EBF2: variants seen among roughly 807,000 people sequenced by gnomAD.
EBF2 encodes the protein transcription factor COE2.
EBF2 carries 21 observed loss-of-function variants against 72.8 expected under a neutral mutation model. That is an observed-to-expected ratio of 0.29 (90% CI 0.20 to 0.42). The LOEUF (loss-of-function observed/expected upper bound fraction) is 0.42. Among genes scored for constraint, EBF2 ranks in the 10% least tolerant of loss-of-function variants. The pLI, the probability that EBF2 is intolerant of heterozygous loss-of-function variation, is 1.00. For synonymous variants in EBF2, 299 were observed against 274.2 expected (o/e 1.09, Z -0.89); for missense variants, 637 against 731.2 (o/e 0.87, Z 1.49).
At chr8:25,987,889 T>C (rs1252270841) in intron 6 of EBF2, among the ~76,000 whole-genome samples, 1 of 152,122 alleles carries the variant, frequency 6.6e-6, no homozygotes, top group Non-Finnish European at 1.5e-5. Flanking sequence ...ACTACAGTAA[T>C]ATACAAAACT....
At chr8:25,877,450 G>A (rs768922822) in intron 10 of EBF2, among the ~76,000 whole-genome samples, 7 of 152,176 alleles carry the variant, frequency 4.6e-5, no homozygotes, top group African/African-American at 1.2e-4. Flanking sequence ...CAAGTTGCAC[G>A]TTAGCAAACC....
intron 10 of EBF2, among the ~76,000 whole-genome samples, chr8:25,863,877 A>G (rs1802255275): frequency 6.6e-6 from 1 of 152,194 alleles, no homozygotes. Context: ...ATTCAGAGAC[A>G]TACCGTTCAC....
intron 6 of EBF2, among the ~76,000 whole-genome samples, chr8:26,026,697 C>G (rs1326308182): frequency 2.0e-5 from 3 of 152,196 alleles, no homozygotes; most frequent in Non-Finnish European, 4.4e-5. Context: ...GATTCCCCCT[C>G]CAGTGTTCCT....
At chr8:26,021,638 C>T (rs1805204494) in intron 6 of EBF2, among the ~76,000 whole-genome samples, 1 of 152,152 alleles carries the variant, frequency 6.6e-6, no homozygotes, top group Non-Finnish European at 1.5e-5. Context: ...ATGGGACAAA[C>T]TTATGCTGAA....
intron 6 of EBF2, among the ~76,000 whole-genome samples, chr8:25,955,752 G>A (rs1201985219): frequency 6.7e-6 from 1 of 149,090 alleles, no homozygotes; most frequent in Non-Finnish European, 1.5e-5. Flanking sequence ...AACTGCAGTT[G>A]TGTCTAGGTT....
chr8:25,881,614 A>T (rs1802606298), intron 10 of EBF2, among the ~76,000 whole-genome samples: 1 of 152,182 alleles, frequency 6.6e-6, no homozygotes, highest in Non-Finnish European at 1.5e-5. Flanking sequence ...GGGTAGAGGA[A>T]GGCCTGGTCC....
chr8:25,890,299 C>T (rs2117293595), intron 7 of EBF2, among the ~76,000 whole-genome samples: 1 of 152,342 alleles, frequency 6.6e-6, no homozygotes, highest in Non-Finnish European at 1.5e-5. Context: ...CAGACAGGTC[C>T]TGACATCATG....
chr8:25,956,526 A>G (rs1029345631), intron 6 of EBF2, among the ~76,000 whole-genome samples: 7 of 152,200 alleles, frequency 4.6e-5, no homozygotes, highest in African/African-American at 1.7e-4. Context: ...CATCATCTCA[A>G]TAGTGTACCT....
chr8:25,876,690 T>C (rs538302205), intron 10 of EBF2, among the ~76,000 whole-genome samples: 4 of 152,300 alleles, frequency 2.6e-5, no homozygotes, highest in Non-Finnish European at 4.4e-5. Flanking sequence ...TAATAAACTG[T>C]ACAGTACTGG....
intron 6 of EBF2, among the ~76,000 whole-genome samples, chr8:25,992,193 A>G (rs539659025): frequency 1.3e-5 from 2 of 151,986 alleles, no homozygotes; most frequent in East Asian, 3.9e-4. Context: ...ACAGAAAATT[A>G]GCTGGGCATG....
intron 6 of EBF2, among the ~76,000 whole-genome samples, chr8:25,984,867 G>T (rs1016375492): frequency 6.6e-6 from 1 of 151,416 alleles, no homozygotes; most frequent in African/African-American, 2.4e-5. Flanking sequence ...CACCCTTCCT[G>T]GGTGTTCTCA....
At chr8:25,865,439 C>T (rs1802292426) in intron 10 of EBF2, among the ~76,000 whole-genome samples, 2 of 152,052 alleles carry the variant, frequency 1.3e-5, no homozygotes, top group Non-Finnish European at 2.9e-5. Context: ...CAGATGAAGA[C>T]AATCAGCTTT....
At chr8:25,957,845 G>A (rs987343927) in intron 6 of EBF2, among the ~76,000 whole-genome samples, 7 of 152,204 alleles carry the variant, frequency 4.6e-5, no homozygotes, top group Non-Finnish European at 1.0e-4. Flanking sequence ...CAACTGGAGA[G>A]GCCAATTTCA....
rs1801750423 is a variant in EBF2, at chr8:25,841,874, C to T, written c.*2735G>A. The T allele has an allele frequency of 6.6e-6, 1 of 152,064 alleles. No individual in the cohort carries two copies. The highest frequency in any genetic ancestry group is 1.5e-5 in the Non-Finnish European group (1 of 68,008). 9.4% of individuals were successfully genotyped at this position (152,064 alleles called of 1,614,324 possible). On this transcript the variant is annotated 3_prime_UTR_variant, in exon 16 of 16. Transcript: ENST00000520164. Reference sequence around the variant, plus strand: ...AGCTGTCTTTACAAAAAGCTCTGTGCATAGCAACTTTATACTGTATATAAC... The same window carrying T: ...AGCTGTCTTTACAAAAAGCTCTGTGTATAGCAACTTTATACTGTATATAAC...
At position 25,924,497 on chromosome 8, in the gene EBF2, T is replaced by C. The variant is rs529105686; in HGVS notation, c.552-15942A>G. ...AGTCACCAAGTTAGGGAGGGATCAATGCTTACACTTTAGAGGTTAAACGAA... is the reference window on the plus strand; with the variant it reads ...AGTCACCAAGTTAGGGAGGGATCAACGCTTACACTTTAGAGGTTAAACGAA... On this transcript the variant is annotated intron_variant, in intron 6 of 15. Transcript: ENST00000520164. 1.3e-4 allele frequency among the ~76,000 whole-genome samples: 20 copies of C among 152,316 alleles called. No homozygotes were observed. The South Asian group carries it at 4.1e-3, about 32-fold the overall frequency.
At chr8:25,855,293 T>C (rs76225936) in intron 14 of EBF2, among the ~76,000 whole-genome samples, 3,216 of 152,286 alleles carry the variant, frequency 0.021, 51 homozygotes, top group Non-Finnish European at 0.031. Context: ...CATTTCATTA[T>C]AATCCCCTAT....
chr8:25,908,794 G>A lies in EBF2; in HGVS notation c.552-239C>T, dbSNP rs1463282087. 6.6e-5 allele frequency among the ~76,000 whole-genome samples: 10 copies of A among 152,162 alleles called. No individual in the cohort carries two copies. The East Asian group carries it at 1.9e-3, about 29-fold the overall frequency. ...TGGGGGATTGTTAAGTGGTTCACAA[G>A]GTGGGCTTTGGTTTGTACACTGGCC... On this transcript the variant is annotated intron_variant, in intron 6 of 15. Transcript: ENST00000520164.
chr8:25,942,273 G>A (rs73677439), intron 6 of EBF2, among the ~76,000 whole-genome samples: 125 of 152,330 alleles, frequency 8.2e-4, no homozygotes, highest in African/African-American at 2.8e-3. Context: ...CAAATGTATG[G>A]AGTACATGTG....
chr8:26,033,142 T>C lies in EBF2; in HGVS notation c.494A>G (p.Glu165Gly). 1 of 1,614,174 alleles carries C rather than the reference T, an allele frequency of 6.2e-7. No homozygotes were observed. Among genetic ancestry groups the C allele is most frequent in the Non-Finnish European group, 8.5e-7 (1 of 1,180,018 alleles). ...THEVMCSRCCEKKSCGNRNET... is the reference protein window; with the variant it reads ...THEVMCSRCCGKKSCGNRNET... Reference sequence around the variant, plus strand: ...ATTTCGGTTTCCACAGCTTTTCTTTTCGCAGCATCGACTGTAGATTGGGAA... The same window carrying C: ...ATTTCGGTTTCCACAGCTTTTCTTTCCGCAGCATCGACTGTAGATTGGGAA... The change falls in exon 6 of 16, where the codon GAA becomes GGA. Residue 165 changes from glutamate to glycine, a missense_variant. Around this residue, in one of 3 missense-constraint regions of EBF2, gnomAD observed 204 missense variants for 301.2 expected, o/e 0.68. Coordinates refer to ENST00000520164, the MANE Select transcript of EBF2 (RefSeq NM_022659.4).
Sources: gnomAD v4.1 joint callset for allele counts (sites outside exome capture counted in the v4.1 genomes callset) on GRCh38, gnomAD v4.1.1 for gene constraint, gnomAD v4.1.1 regional missense constraint, MANE v1.5 for transcripts, NCBI Gene and HGNC (gene_info 2026-07-23, HGNC 2026-07-21) for gene names.